The following USP4 variants were observed in gnomAD, a reference collection of about 807,000 sequenced individuals.
The protein encoded by USP4 is ubiquitin specific peptidase 4.
In USP4, 72 loss-of-function variants were observed where a neutral mutation model predicts 118.2. That is an observed-to-expected ratio of 0.61 (90% CI 0.50 to 0.74). The LOEUF (loss-of-function observed/expected upper bound fraction) is 0.74. Ranked by LOEUF, USP4 falls within the 30% of genes least tolerant of loss-of-function variation. USP4 has a pLI of 0.00. For missense variants in USP4, 1,037 were observed against 1,185.7 expected (o/e 0.87, Z 1.84); for synonymous variants, 415 against 440.4 (o/e 0.94, Z 0.72).
intron 13 of USP4, among the ~76,000 whole-genome samples, chr3:49,295,689 CATATG>C (rs2047197494): frequency 1.3e-5 from 2 of 150,874 alleles, no homozygotes; most frequent in Admixed American, 1.3e-4. Context: ...TGAAACTAAA[CATATG>C]CACGTGTGCG....
At chr3:49,297,483 G>T (rs779058794) in intron 13 of USP4, among the ~76,000 whole-genome samples, 106 of 152,146 alleles carry the variant, frequency 7.0e-4, no homozygotes, top group Non-Finnish European at 2.4e-4. Context: ...ACAGCCTGTG[G>T]CAGAGAAAGG....
At chr3:49,321,628 G>A (rs957755201) in intron 6 of USP4, among the ~76,000 whole-genome samples, 2 of 151,780 alleles carry the variant, frequency 1.3e-5, no homozygotes, top group African/African-American at 4.8e-5. Context: ...CCACTGCACC[G>A]GGCTAATTTT....
At chr3:49,339,581 G>A (rs2047713458) in intron 1 of USP4, among the ~76,000 whole-genome samples, 1 of 152,174 alleles carries the variant, frequency 6.6e-6, no homozygotes, top group African/African-American at 2.4e-5. Flanking sequence ...AGGAATCCAG[G>A]TCTGTGACAC....
chr3:49,312,781 G>A (rs2047398668), intron 6 of USP4: 2 of 167,596 alleles, frequency 1.2e-5, no homozygotes, highest in South Asian at 1.1e-4. Flanking sequence ...GTGACAGAGT[G>A]AGACTCTGTC....
chr3:49,337,945 C>G (rs967893403), intron 1 of USP4, among the ~76,000 whole-genome samples: 1 of 142,914 alleles, frequency 7.0e-6, no homozygotes, highest in Non-Finnish European at 1.5e-5. Flanking sequence ...ACTCGGGAGG[C>G]TGAAGCAGGA....
intron 9 of USP4, among the ~76,000 whole-genome samples, chr3:49,305,121 G>T (rs897664695): frequency 2.7e-5 from 4 of 150,374 alleles, no homozygotes; most frequent in African/African-American, 9.8e-5. Context: ...CACCCAGGCT[G>T]GAGTGCAGAG....
At chr3:49,291,573 C>CAA (rs768383989) in intron 15 of USP4, among the ~76,000 whole-genome samples, 1 of 46,852 alleles carries the variant, frequency 2.1e-5, no homozygotes, top group African/African-American at 6.7e-5. Flanking sequence ...GATTCCGTCT[C>CAA]AAAAAAAAAA....
In USP4 at chr3:49,330,171, A is replaced by AAAACAAACAAAC. The variant is rs112008342; in HGVS notation, c.230-2367_230-2356dup. On this transcript the variant is annotated intron_variant, in intron 2 of 21. Transcript: ENST00000265560. Reference sequence around the variant, plus strand: ...GGGCAACAGAGTGAGACTCTGTCTCAAAACAAACAAACAAACAAACAAACA... The same window carrying AAAACAAACAAAC: ...GGGCAACAGAGTGAGACTCTGTCTCAAAACAAACAAACAAACAAACAAACAAACAAACAAACA... 1.0e-4 allele frequency among the ~76,000 whole-genome samples: 15 copies of AAAACAAACAAAC among 148,544 alleles called. No individual in the cohort carries two copies. The East Asian group carries it at 1.2e-3, about 12-fold the overall frequency.
chr3:49,334,790 T>C (rs1306806264), intron 2 of USP4, among the ~76,000 whole-genome samples: 1 of 152,100 alleles, frequency 6.6e-6, no homozygotes, highest in Non-Finnish European at 1.5e-5. Context: ...GTGCTGAGAT[T>C]ACAGGCGTGA....
chr3:49,321,151 T>C (rs2047495511), intron 6 of USP4, among the ~76,000 whole-genome samples: 1 of 150,870 alleles, frequency 6.6e-6, no homozygotes, highest in South Asian at 2.1e-4. Flanking sequence ...TAAGCCTCCA[T>C]CTTGCTTAAT....
At chr3:49,295,113 C>T (rs981262507) in intron 13 of USP4, among the ~76,000 whole-genome samples, 10 of 151,902 alleles carry the variant, frequency 6.6e-5, no homozygotes, top group African/African-American at 1.5e-4. Flanking sequence ...CACGGTGAAA[C>T]CCCATCTCTT....
chr3:49,284,192 C>A, intron 18 of USP4, 56 bp from the exon 19 acceptor site: 1 of 1,608,520 alleles, frequency 6.2e-7, no homozygotes, highest in Non-Finnish European at 8.5e-7. Context: ...GCCACCTGGG[C>A]ACTCATGCAT....
At chr3:49,297,024 A>G (rs1285672982) in intron 13 of USP4, among the ~76,000 whole-genome samples, 1 of 152,242 alleles carries the variant, frequency 6.6e-6, no homozygotes, top group African/African-American at 2.4e-5. Flanking sequence ...AGAGATCTAG[A>G]AGTCATAGGC....
chr3:49,327,960 T>G, intron 2 of USP4, 144 bp from the exon 3 acceptor site: 1 of 698,982 alleles, frequency 1.4e-6, no homozygotes, highest in Non-Finnish European at 2.3e-6. Context: ...TCACTGGTCA[T>G]TATACAGAGC....
intron 8 of USP4, among the ~76,000 whole-genome samples, chr3:49,307,833 C>T (rs946113901): frequency 6.6e-6 from 1 of 151,754 alleles, no homozygotes; most frequent in African/African-American, 2.4e-5. Context: ...AACATACATA[C>T]AAAACAAAAA....
chr3:49,298,030 C>T, intron 12 of USP4, 66 bp from the exon 13 acceptor site: 2 of 1,048,192 alleles, frequency 1.9e-6, no homozygotes, highest in Non-Finnish European at 2.9e-6. Flanking sequence ...CTGCTTAAAA[C>T]CCAGAAACAA....
Position 49,337,521 on chromosome 3 carries a change from C to T in USP4, c.102-1925G>A, listed in dbSNP as rs559182511. On this transcript the variant is annotated intron_variant, in intron 1 of 21. Transcript: ENST00000265560. ...CATAGCTCTCTGTAGCCTCAAACTC[C>T]TGGGCTCAAGTGATCCTCCTGCCTC... is the stretch of plus-strand genomic sequence containing the variant. Among the ~76,000 whole-genome samples, 7 of 152,268 alleles carry T rather than the reference C, an allele frequency of 4.6e-5. No homozygotes were observed. The South Asian group carries it at 1.4e-3, about 32-fold the overall frequency.
At chr3:49,305,672 A>T in intron 9 of USP4, 43 bp downstream of exon 9, 1 of 1,499,568 alleles carries the variant, frequency 6.7e-7, no homozygotes, top group Non-Finnish European at 8.9e-7. Context: ...CCAGGCATCT[A>T]TATACAGGGA....
At chr3:49,309,907 G>A (rs1250876628) in intron 8 of USP4, among the ~76,000 whole-genome samples, 1 of 141,108 alleles carries the variant, frequency 7.1e-6, no homozygotes, top group Non-Finnish European at 1.5e-5. Context: ...GATTACAGGC[G>A]TGAGCCACAG....
Sources: gnomAD v4.1 joint callset for allele counts (sites outside exome capture counted in the v4.1 genomes callset) on GRCh38, gnomAD v4.1.1 for gene constraint, MANE v1.5 for transcripts, NCBI Gene and HGNC (gene_info 2026-07-23, HGNC 2026-07-21) for gene names.